The following ELP3 variants were observed in gnomAD, a reference collection of about 807,000 sequenced individuals.
The protein encoded by ELP3 is elongator acetyltransferase complex subunit 3.
Under a neutral mutation model 74.9 loss-of-function variants are expected in ELP3, and 56 were observed. The observed-to-expected ratio is 0.75, with a 90% CI of 0.60 to 0.93. ELP3 has a LOEUF of 0.93. ELP3 is among the 40% of genes least tolerant of loss of function. The pLI is 0.00. For missense variants in ELP3, 573 were observed against 686.5 expected (o/e 0.83, Z 1.85); for synonymous variants, 222 against 239.8 (o/e 0.93, Z 0.68).
chr8:28,169,908 G>T (rs1034462616), intron 14 of ELP3, among the ~76,000 whole-genome samples: 2 of 152,024 alleles, frequency 1.3e-5, no homozygotes, highest in African/African-American at 4.8e-5. Flanking sequence ...ATCCCTCGTG[G>T]GCCCATTTAT....
chr8:28,145,482 T>G (rs1002769569), intron 10 of ELP3, among the ~76,000 whole-genome samples: 1 of 152,232 alleles, frequency 6.6e-6, no homozygotes, highest in Non-Finnish European at 1.5e-5. Flanking sequence ...AGGAAAATCA[T>G]TTGTGTCTTT....
At chr8:28,186,155 AC>A (rs1460792744) in intron 14 of ELP3, among the ~76,000 whole-genome samples, 1 of 152,038 alleles carries the variant, frequency 6.6e-6, no homozygotes, top group African/African-American at 2.4e-5. Flanking sequence ...AGAAAGTAGA[AC>A]GGGGGTTGTC....
intron 7 of ELP3, among the ~76,000 whole-genome samples, chr8:28,123,379 C>A (rs1393373296): frequency 6.6e-6 from 1 of 152,056 alleles, no homozygotes; most frequent in Non-Finnish European, 1.5e-5. Context: ...GGCCAGAGAA[C>A]CTACTCTGTA....
Position 28,132,124 on chromosome 8 carries a change from C to G in ELP3, c.780-154C>G, listed in dbSNP as rs376651415. On this transcript the variant is annotated intron_variant, in intron 8 of 14. Coordinates refer to ENST00000256398, the MANE Select transcript of ELP3 (RefSeq NM_018091.6). ...TGACTTTCTGAGATGTCTTTTCCCCCAGCCATATGATTTTGGTTATGGAAC... is the reference window on the plus strand; with the variant it reads ...TGACTTTCTGAGATGTCTTTTCCCCGAGCCATATGATTTTGGTTATGGAAC... Among the ~76,000 whole-genome samples the G allele has an allele frequency of 1.4e-3, 211 of 152,268 alleles. 6 individuals carry two copies. In the South Asian group the frequency reaches 0.042, roughly 30 times the overall value.
intron 3 of ELP3, among the ~76,000 whole-genome samples, chr8:28,102,668 C>G (rs1054836749): frequency 2.0e-5 from 3 of 152,308 alleles, no homozygotes; most frequent in African/African-American, 7.2e-5. Flanking sequence ...CACCTTCACC[C>G]CTACCCCAGT....
intron 1 of ELP3, among the ~76,000 whole-genome samples, chr8:28,094,807 G>A (rs913997324): frequency 5.3e-5 from 8 of 152,150 alleles, no homozygotes; most frequent in Admixed American, 1.3e-4. Context: ...AGTAGGCATT[G>A]GGACTGGATC....
chr8:28,130,393 T>G (rs1255065568), intron 8 of ELP3, among the ~76,000 whole-genome samples: 2 of 152,024 alleles, frequency 1.3e-5, no homozygotes, highest in African/African-American at 2.4e-5. Context: ...GTGATTGGTG[T>G]TGTGCCAGGA....
intron 13 of ELP3, among the ~76,000 whole-genome samples, chr8:28,160,973 G>T (rs1336489490): frequency 1.3e-5 from 2 of 152,150 alleles, no homozygotes; most frequent in Admixed American, 6.5e-5. Context: ...GAGATTACAG[G>T]CATGAGCTAC....
chr8:28,130,810 A>G (rs1297322171), intron 8 of ELP3, among the ~76,000 whole-genome samples: 2 of 152,298 alleles, frequency 1.3e-5, no homozygotes, highest in East Asian at 1.9e-4. Flanking sequence ...TGGGAGTGCC[A>G]TAGCACATTT....
At chr8:28,093,067 G>C, upstream of ELP3, 2 of 1,338,290 alleles carry the variant, frequency 1.5e-6, no homozygotes, top group Non-Finnish European at 1.0e-6. Context: ...GCGTGGCTTT[G>C]TGCACGTCGG....
chr8:28,153,716 C>A (rs1022455373), intron 10 of ELP3, among the ~76,000 whole-genome samples: 1 of 152,132 alleles, frequency 6.6e-6, no homozygotes, highest in Non-Finnish European at 1.5e-5. Flanking sequence ...TGGATTATCT[C>A]CTCTGAGTCC....
At chr8:28,093,333 A>G (rs1811119509) in intron 1 of ELP3, 100 bp downstream of exon 1, 1 of 1,520,300 alleles carries the variant, frequency 6.6e-7, no homozygotes, top group South Asian at 1.2e-5. Context: ...AGAATCCGCT[A>G]CCCAGTCCAG....
chr8:28,159,809 G>A (rs1219405991), intron 12 of ELP3, among the ~76,000 whole-genome samples: 1 of 152,174 alleles, frequency 6.6e-6, no homozygotes, highest in Admixed American at 6.5e-5. Flanking sequence ...CAGTGGAGGC[G>A]ATAAGGACTA....
At position 28,137,608 on chromosome 8, in the gene ELP3, G is replaced by A. The variant is rs376873144; in HGVS notation, c.907-90G>A. ...AAGGCTGCCCCAGGGCCTACTGGGTGTGCCAGAGAAGCTGTCAGGGGTTGA... is the reference window on the plus strand; with the variant it reads ...AAGGCTGCCCCAGGGCCTACTGGGTATGCCAGAGAAGCTGTCAGGGGTTGA... On this transcript the variant is annotated intron_variant, in intron 9 of 14. Transcript: ENST00000256398. 147 of 1,302,616 alleles carry A rather than the reference G, an allele frequency of 1.1e-4. 1 individual carries two copies. The African/African-American group carries it at 1.8e-3, about 16-fold the overall frequency. The allele number at this position is 1,302,616 out of a possible 1,614,324, so 80.7% of individuals were successfully genotyped here.
At chr8:28,110,638 A>G in intron 6 of ELP3, 200 bp downstream of exon 6, 2 of 509,622 alleles carry the variant, frequency 3.9e-6, no homozygotes, top group South Asian at 2.8e-5. Context: ...TAAAGACTGT[A>G]TTTATTGTTT....
rs115956219 is a variant in ELP3 at position 28,157,509 on chromosome 8, T to A, written c.1192-1059T>A. Among the ~76,000 whole-genome samples the A allele has an allele frequency of 4.8e-3, 731 of 152,320 alleles. 9 individuals are homozygous for A. Among genetic ancestry groups the A allele is most frequent in the African/African-American group, 0.017 (691 of 41,564 alleles). ...ACATCAGCAAAGCATTGTCTTGAGC[T>A]AGTTCCTGGGGTGTGGAAGTAGCTT... On this transcript the variant is annotated intron_variant, in intron 11 of 14. Coordinates refer to ENST00000256398, the MANE Select transcript of ELP3 (RefSeq NM_018091.6).
At chr8:28,129,803 C>T in intron 8 of ELP3, 140 bp downstream of exon 8, 1 of 977,344 alleles carries the variant, frequency 1.0e-6, no homozygotes. Context: ...GTTCTTTCTT[C>T]TGTCTGTGTT....
At chr8:28,114,128 C>T (rs1487934649) in intron 7 of ELP3, among the ~76,000 whole-genome samples, 1 of 151,188 alleles carries the variant, frequency 6.6e-6, no homozygotes, top group Non-Finnish European at 1.5e-5. Context: ...TTAACAAATC[C>T]TTCTTGAGGG....
chr8:28,129,689 A>G (rs1400532774), intron 8 of ELP3, 26 bp downstream of exon 8: 2 of 1,612,382 alleles, frequency 1.2e-6, no homozygotes, highest in Non-Finnish European at 1.7e-6. Flanking sequence ...GTGATCTTGC[A>G]CAAGTCTTCC....
Sources: allele counts gnomAD v4.1 joint callset (sites outside exome capture counted in the v4.1 genomes callset), GRCh38; gene constraint gnomAD v4.1.1; transcripts MANE v1.5; gene names NCBI Gene and HGNC (gene_info 2026-07-23, HGNC 2026-07-21).